The following CC2D2B variants were observed in gnomAD, a reference collection of about 807,000 sequenced individuals.
CC2D2B encodes the protein coiled-coil and C2 domain containing 2B, also known as protein CC2D2B.
Under a neutral mutation model 161.2 loss-of-function variants are expected in CC2D2B, and 128 were observed. The observed-to-expected ratio is 0.79, with a 90% confidence interval of 0.69 to 0.92. CC2D2B has a LOEUF of 0.92. Among genes scored for constraint, CC2D2B ranks in the 40% least tolerant of loss-of-function variants. The pLI, the probability that CC2D2B is intolerant of heterozygous loss-of-function variation, is 0.00. For missense variants in CC2D2B, 1,173 were observed against 1,375.1 expected (o/e 0.85, Z 2.32); for synonymous variants, 391 against 449.8 (o/e 0.87, Z 1.65).
In CC2D2B at chr10:95,983,817, G is replaced by C. The variant is rs887940659; in HGVS notation, c.2286+8G>C. ...CCAGATTTAGTCTTCCAGGTATTTG[G>C]TTTCTATTTGAATATGGCTTATTGT... On this transcript the variant is annotated splice_region_variant and intron_variant, in intron 19 of 34. Transcript: ENST00000646931. 2.4e-5 allele frequency: 28 copies of C among 1,177,992 alleles called. No individual in the cohort carries two copies. The highest frequency in any genetic ancestry group is 3.0e-5 in the Non-Finnish European group (28 of 938,888). The allele number at this position is 1,177,992 out of a possible 1,614,324, so 73.0% of individuals were successfully genotyped here. A position where few individuals can be genotyped will look rare whatever the true frequency, so the allele number is the denominator to read the frequency against.
intron 24 of CC2D2B, among the ~76,000 whole-genome samples, chr10:96,003,816 T>A (rs2078632332): frequency 6.6e-6 from 1 of 152,210 alleles, no homozygotes; most frequent in South Asian, 2.1e-4. Flanking sequence ...TTTATCTCTA[T>A]GTGTCAACTA....
intron 9 of CC2D2B, among the ~76,000 whole-genome samples, chr10:95,947,867 T>C (rs1042728520): frequency 2.0e-5 from 3 of 152,188 alleles, no homozygotes; most frequent in Non-Finnish European, 4.4e-5. Flanking sequence ...CAATCTCATG[T>C]ACAAAAACAG....
At chr10:95,944,332 C>A (rs967420224) in intron 9 of CC2D2B, among the ~76,000 whole-genome samples, 1 of 152,058 alleles carries the variant, frequency 6.6e-6, no homozygotes, top group Non-Finnish European at 1.5e-5. Flanking sequence ...ACCACCATAC[C>A]AAACATTACA....
In CC2D2B at chr10:95,938,037, A is replaced by G. The variant is rs772094765; in HGVS notation, c.383A>G (p.Asn128Ser). 40 of 1,551,104 alleles carry G rather than the reference A, an allele frequency of 2.6e-5. 1 individual carries two copies. The South Asian group carries it at 4.8e-4, about 18-fold the overall frequency. ...CCCAAATGCTTTTCACTTGGTGTTA[A>G]TTTACAAAATGTTGCTGAGAGTGAA... is the stretch of plus-strand genomic sequence containing the variant. ...SYPKCFSLGVNLQNVAESEEE... is the reference protein window; with the variant it reads ...SYPKCFSLGVSLQNVAESEEE... Residue 128 changes from asparagine (N) to serine (S), a missense_variant, in exon 7 of 35, where the codon AAT becomes AGT. Physicochemically the swap from Asn to Ser is conservative, Grantham distance 46. This residue lies in a region of CC2D2B where 298 missense variants were observed against 261.2 expected (regional missense o/e 1.14). Coordinates refer to ENST00000646931, the MANE Select transcript of CC2D2B (RefSeq NM_001349008.3).
chr10:95,943,207 T>C (rs2076082398), intron 9 of CC2D2B, among the ~76,000 whole-genome samples: 3 of 152,202 alleles, frequency 2.0e-5, no homozygotes, highest in Non-Finnish European at 4.4e-5. Flanking sequence ...GCTGCTGTTT[T>C]TAAGTTGGCC....
intron 6 of CC2D2B, among the ~76,000 whole-genome samples, chr10:95,930,935 G>T (rs1450801073): frequency 6.6e-6 from 1 of 152,104 alleles, no homozygotes; most frequent in African/African-American, 2.4e-5. Context: ...TTTTTCTATT[G>T]TTTGGAATGG....
chr10:95,949,665 A>AAG (rs2076335197), intron 9 of CC2D2B, among the ~76,000 whole-genome samples: 1 of 102,336 alleles, frequency 9.8e-6, no homozygotes, highest in African/African-American at 3.9e-5. Flanking sequence ...AATAAAAAAA[A>AAG]AAATTAAAAA....
intron 12 of CC2D2B, among the ~76,000 whole-genome samples, chr10:95,965,193 A>ACT (rs2076896869): frequency 6.6e-6 from 1 of 152,064 alleles, no homozygotes; most frequent in Non-Finnish European, 1.5e-5. Context: ...GAAAAACTTG[A>ACT]CTCCTACATC....
At chr10:95,965,347 TAGTA>T (rs2076902336) in intron 12 of CC2D2B, among the ~76,000 whole-genome samples, 1 of 152,086 alleles carries the variant, frequency 6.6e-6, no homozygotes, top group South Asian at 2.1e-4. Flanking sequence ...GGCACATACT[TAGTA>T]AGTACTATAT....
At chr10:95,927,014 T>A (rs1191323698) in intron 5 of CC2D2B, among the ~76,000 whole-genome samples, 3 of 152,104 alleles carry the variant, frequency 2.0e-5, no homozygotes, top group Non-Finnish European at 4.4e-5. Flanking sequence ...TGGCTGTATA[T>A]TCTGGCTTTT....
intron 29 of CC2D2B, among the ~76,000 whole-genome samples, chr10:96,015,024 C>A (rs2079131732): frequency 6.6e-6 from 1 of 152,116 alleles, no homozygotes; most frequent in Non-Finnish European, 1.5e-5. Flanking sequence ...CCCTGGCCCC[C>A]ACAGCCCCTT....
intron 11 of CC2D2B, among the ~76,000 whole-genome samples, chr10:95,957,058 A>G (rs963479454): frequency 1.3e-5 from 2 of 152,242 alleles, no homozygotes; most frequent in Middle Eastern, 3.4e-3. Context: ...ATTTTGGTCA[A>G]TGTCAGCTCT....
rs565064053 is a variant in CC2D2B, at chr10:95,946,196, C to T, written c.802-3700C>T. On this transcript the variant is annotated intron_variant, in intron 9 of 34. Transcript: ENST00000646931. ...CACATAAAGTACTTCATCTATGTGA[C>T]ACCTCCTCAAATGTTTGAAGCCTAC... Among the ~76,000 whole-genome samples the T allele has an allele frequency of 1.1e-4, 16 of 152,318 alleles. 1 individual carries two copies. In the South Asian group the frequency reaches 2.7e-3, roughly 26 times the overall value.
chr10:95,995,284 T>C lies in CC2D2B; in HGVS notation c.2658T>C (p.Pro886=), dbSNP rs2078188338. ...TTTCCTGAAGATCCTTGGATATGCCTACTTGTTTGAAATCATCTATATCTT... is the reference window on the plus strand; with the variant it reads ...TTTCCTGAAGATCCTTGGATATGCCCACTTGTTTGAAATCATCTATATCTT... The part of the protein sequence containing the change: ...KTTINGSLDM[P]TCLKSSISCL... Residue 886 remains proline (P), a synonymous_variant, in exon 23 of 35, where the codon CCT becomes CCC. Coordinates refer to ENST00000646931, the MANE Select transcript of CC2D2B (RefSeq NM_001349008.3). 6.6e-7 allele frequency: 1 copy of C among 1,525,338 alleles called. No individual in the cohort carries two copies. The highest frequency in any genetic ancestry group is 1.4e-5 in the African/African-American group (1 of 72,702). The allele number at this position is 1,525,338 out of a possible 1,614,324, so 94.5% of individuals were successfully genotyped here.
intron 17 of CC2D2B, among the ~76,000 whole-genome samples, chr10:95,978,251 C>G (rs2077389045): frequency 6.6e-6 from 1 of 152,208 alleles, no homozygotes; most frequent in Non-Finnish European, 1.5e-5. Flanking sequence ...CATCTTTCAT[C>G]AATTACAGAA....
chr10:95,999,990 T>C, intron 24 of CC2D2B: 1 of 970,560 alleles, frequency 1.0e-6, no homozygotes, highest in Non-Finnish European at 1.5e-6. Flanking sequence ...ACATTAATTC[T>C]CTTGGCAAGA....
chr10:95,915,509 T>C (rs1233564864), intron 2 of CC2D2B, among the ~76,000 whole-genome samples: 1 of 152,214 alleles, frequency 6.6e-6, no homozygotes, highest in Admixed American at 6.6e-5. Context: ...CTTTCAGTTT[T>C]TCCCTGTTTG....
chr10:96,009,426 G>GT (rs1291573701), intron 25 of CC2D2B, among the ~76,000 whole-genome samples: 1 of 151,952 alleles, frequency 6.6e-6, no homozygotes, highest in Admixed American at 6.6e-5. Context: ...ATAATTGTTT[G>GT]TTTTCTTAAC....
chr10:95,925,135 G>T (rs1271811349), intron 5 of CC2D2B, among the ~76,000 whole-genome samples: 1 of 152,144 alleles, frequency 6.6e-6, no homozygotes, highest in African/African-American at 2.4e-5. Context: ...AAAGTTTAAA[G>T]AGTTTATTTG....
Sources: gnomAD v4.1 joint callset for allele counts (sites outside exome capture counted in the v4.1 genomes callset) on GRCh38, gnomAD v4.1.1 for gene constraint, gnomAD v4.1.1 regional missense constraint, MANE v1.5 for transcripts, NCBI Gene and HGNC (gene_info 2026-07-23, HGNC 2026-07-21) for gene names.